PTPRD: variants seen among roughly 807,000 people sequenced by gnomAD.
PTPRD encodes the protein protein tyrosine phosphatase receptor type D.
In PTPRD, 34 loss-of-function variants were observed where a neutral mutation model predicts 214.5. The ratio of observed to expected loss-of-function variants is 0.16; its 90% CI spans 0.12 to 0.21. PTPRD has a LOEUF of 0.21. Among genes scored for constraint, PTPRD ranks in the 10% least tolerant of loss-of-function variants. PTPRD has a pLI of 1.00. For missense variants in PTPRD, 2,545 were observed against 2,398.7 expected (o/e 1.06, Z -1.27); for synonymous variants, 1,128 against 845.7 (o/e 1.33, Z -5.79).
At chr9:8,716,012 T>C (rs2098430151) in intron 12 of PTPRD, among the ~76,000 whole-genome samples, 1 of 152,266 alleles carries the variant, frequency 6.6e-6, no homozygotes, top group Admixed American at 6.5e-5. Flanking sequence ...GTTCACCTGC[T>C]CTTTAGCCTT....
chr9:9,014,258 G>C (rs985287684), intron 11 of PTPRD, among the ~76,000 whole-genome samples: 19 of 133,988 alleles, frequency 1.4e-4, no homozygotes, highest in African/African-American at 5.4e-4. Context: ...TGATATCTTT[G>C]AATAAAACTT....
intron 9 of PTPRD, among the ~76,000 whole-genome samples, chr9:9,239,901 T>C (rs1347924031): frequency 1.3e-5 from 2 of 152,132 alleles, no homozygotes; most frequent in Non-Finnish European, 2.9e-5. Context: ...CTGGGCACCA[T>C]CTGATTGCTC....
At chr9:10,606,594 A>G (rs1451439523) in intron 2 of PTPRD, among the ~76,000 whole-genome samples, 1 of 149,050 alleles carries the variant, frequency 6.7e-6, no homozygotes, top group African/African-American at 2.5e-5. Flanking sequence ...GAGATAAAAT[A>G]TGAGGTTTGG....
At chr9:9,410,607 T>C (rs944588182) in intron 8 of PTPRD, among the ~76,000 whole-genome samples, 1 of 152,126 alleles carries the variant, frequency 6.6e-6, no homozygotes, top group African/African-American at 2.4e-5. Flanking sequence ...GGCATGTGGC[T>C]TTTGCTGGTG....
intron 9 of PTPRD, among the ~76,000 whole-genome samples, chr9:9,325,410 C>T (rs551523575): frequency 6.6e-6 from 1 of 152,118 alleles, no homozygotes; most frequent in Non-Finnish European, 1.5e-5. Flanking sequence ...TCCTTCATAT[C>T]CCTTGCAAGT....
At chr9:10,429,314 C>A (rs1029385146) in intron 2 of PTPRD, among the ~76,000 whole-genome samples, 1 of 151,822 alleles carries the variant, frequency 6.6e-6, no homozygotes, top group Non-Finnish European at 1.5e-5. Context: ...ACCATTTAAC[C>A]CAGCAATCCC....
At chr9:9,178,112 C>A (rs2066095662) in intron 10 of PTPRD, among the ~76,000 whole-genome samples, 1 of 151,942 alleles carries the variant, frequency 6.6e-6, no homozygotes, top group Non-Finnish European at 1.5e-5. Flanking sequence ...ATAAGGAAGA[C>A]TTTTCTTGTA....
intron 4 of PTPRD, among the ~76,000 whole-genome samples, chr9:9,985,629 T>G (rs1333360187): frequency 6.6e-6 from 1 of 152,110 alleles, no homozygotes; most frequent in Non-Finnish European, 1.5e-5. Context: ...ACTTATTGTA[T>G]TGGAGATTCT....
At chr9:10,101,212 C>T (rs532711680) in intron 3 of PTPRD, among the ~76,000 whole-genome samples, 1 of 151,516 alleles carries the variant, frequency 6.6e-6, no homozygotes, top group South Asian at 2.1e-4. Flanking sequence ...GAGGTGTTAG[C>T]CTAGAAAGCA....
intron 36 of PTPRD, among the ~76,000 whole-genome samples, chr9:8,402,649 T>C (rs549300332): frequency 4.0e-5 from 6 of 151,864 alleles, no homozygotes; most frequent in Non-Finnish European, 8.8e-5. Context: ...GTTTAGTTTT[T>C]CATTTATTAT....
chr9:8,965,786 A>G (rs540308127), intron 11 of PTPRD, among the ~76,000 whole-genome samples: 2 of 152,298 alleles, frequency 1.3e-5, no homozygotes, highest in East Asian at 3.9e-4. Context: ...AGTTCTAGCC[A>G]GAGCAATTAG....
At chr9:9,168,740 A>C (rs900651626) in intron 10 of PTPRD, among the ~76,000 whole-genome samples, 3 of 152,116 alleles carry the variant, frequency 2.0e-5, no homozygotes, top group African/African-American at 7.2e-5. Flanking sequence ...AGACAAAAAT[A>C]ATAATAATTC....
At chr9:9,256,481 A>C (rs2099977758) in intron 9 of PTPRD, among the ~76,000 whole-genome samples, 1 of 151,606 alleles carries the variant, frequency 6.6e-6, no homozygotes, top group Non-Finnish European at 1.5e-5. Flanking sequence ...TAAAAGATTT[A>C]AACTCTTCTA....
intron 11 of PTPRD, among the ~76,000 whole-genome samples, chr9:8,959,245 A>G (rs180986127): frequency 3.9e-4 from 60 of 152,118 alleles, no homozygotes; most frequent in Non-Finnish European, 6.6e-4. Flanking sequence ...TATGAGTGCT[A>G]TGAGTGTTTG....
At chr9:8,786,402 C>CTTTTTTTT (rs36018689) in intron 11 of PTPRD, among the ~76,000 whole-genome samples, 4 of 66,998 alleles carry the variant, frequency 6.0e-5, no homozygotes, top group African/African-American at 1.1e-4. Context: ...GTTTGGAGTT[C>CTTTTTTTT]TTTTTTTTTT....
Position 10,158,331 on chromosome 9 carries a change from G to C in PTPRD, c.-544-124541C>G, listed in dbSNP as rs943388636. On this transcript the variant is annotated intron_variant, in intron 3 of 45. Transcript: ENST00000381196. ...CCATTTATGTTCTTTTCTATACTGG[G>C]TATTTTATCTGTCAGCTCTTGTATA... Among the ~76,000 whole-genome samples the C allele has an allele frequency of 2.6e-5, 4 of 152,098 alleles. No individual in the cohort carries two copies. In the East Asian group the frequency reaches 7.7e-4, roughly 29 times the overall value.
chr9:8,859,676 C>G (rs1252033308), intron 11 of PTPRD, among the ~76,000 whole-genome samples: 1 of 152,184 alleles, frequency 6.6e-6, no homozygotes, highest in African/African-American at 2.4e-5. Flanking sequence ...TTTCCACCAT[C>G]TGCATGCTGT....
At chr9:9,354,213 C>T (rs1000677297) in intron 9 of PTPRD, among the ~76,000 whole-genome samples, 2 of 151,788 alleles carry the variant, frequency 1.3e-5, no homozygotes, top group African/African-American at 4.8e-5. Context: ...TATAATATAA[C>T]CTAATCATGA....
intron 12 of PTPRD, among the ~76,000 whole-genome samples, chr9:8,712,937 T>C (rs2098374787): frequency 6.6e-6 from 1 of 152,168 alleles, no homozygotes; most frequent in Non-Finnish European, 1.5e-5. Flanking sequence ...CAGGCTGGTC[T>C]CAAACTCCTG....
Sources: allele counts gnomAD v4.1 joint callset (sites outside exome capture counted in the v4.1 genomes callset), GRCh38; gene constraint gnomAD v4.1.1; transcripts MANE v1.5; gene names NCBI Gene and HGNC (gene_info 2026-07-23, HGNC 2026-07-21).